The following HSPH1 variants were observed in gnomAD, a reference collection of about 807,000 sequenced individuals.
HSPH1 encodes the protein heat shock protein family H (Hsp110) member 1.
HSPH1 carries 40 observed loss-of-function variants against 100.0 expected under a neutral mutation model. The ratio of observed to expected loss-of-function variants is 0.40; its 90% CI spans 0.31 to 0.52. The LOEUF is 0.52. Ranked by LOEUF, HSPH1 falls within the 20% of genes least tolerant of loss-of-function variation. HSPH1 has a pLI of 0.54. For synonymous variants in HSPH1, 403 were observed against 344.0 expected, an observed-to-expected ratio of 1.17 and a Z score of -1.90; for missense variants, 876 against 1,015.1, an observed-to-expected ratio of 0.86 and a Z score of 1.86.
chr13:31,154,765 AG>A lies in HSPH1; in HGVS notation c.307-11del. The A allele has an allele frequency of 1.9e-6, 3 of 1,609,724 alleles. No homozygotes were observed. The highest frequency in any genetic ancestry group is 1.7e-6 in the Non-Finnish European group (2 of 1,177,138). On this transcript the variant is annotated splice_polypyrimidine_tract_variant and intron_variant, in intron 3 of 17. Transcript: ENST00000320027. The stretch of plus-strand genomic sequence containing the variant: ...CACCCATGTACATTACCTATATTGA[AG>A]GGAAAAAATGTTTTAAACATTGTAG...
rs554772333 is a variant in HSPH1 at position 31,151,146 on chromosome 13, C to T, written c.709G>A (p.Asp237Asn). The change falls in exon 7 of 18, where the codon GAT becomes AAT. Residue 237 changes from aspartate (D) to asparagine (N), a missense_variant. Transcript: ENST00000320027. ...FDPFLGGKNFDEKLVEHFCAE... is the reference protein window; with the variant it reads ...FDPFLGGKNFNEKLVEHFCAE... Reference sequence around the variant, plus strand: ...CAAAAATGTTCCACTAACTTTTCATCGAAGTTTTTTCCTCCTAAGAAAGGA... The same window carrying T: ...CAAAAATGTTCCACTAACTTTTCATTGAAGTTTTTTCCTCCTAAGAAAGGA... The T allele has an allele frequency of 3.1e-6, 5 of 1,613,146 alleles. No individual in the cohort carries two copies. Among genetic ancestry groups the T allele is most frequent in the Middle Eastern group, 3.3e-4 (2 of 6,054 alleles).
chr13:31,155,715 T>G, intron 2 of HSPH1, 61 bp from the exon 3 acceptor site: 2 of 1,404,786 alleles, frequency 1.4e-6, no homozygotes, highest in African/African-American at 2.9e-5. Flanking sequence ...ACCAGTAATT[T>G]TAGTAATTTT....
chr13:31,137,296 G>A lies in HSPH1; in HGVS notation c.*22C>T, dbSNP rs1318739115. 4 of 1,422,440 alleles carry A rather than the reference G, an allele frequency of 2.8e-6. No homozygotes were observed. The highest frequency in any genetic ancestry group is 1.4e-5 in the African/African-American group (1 of 70,258). The allele number at this position is 1,422,440 out of a possible 1,614,324, so 88.1% of individuals were successfully genotyped here. A position where few individuals can be genotyped will look rare whatever the true frequency, so the allele number is the denominator to read the frequency against. On this transcript the variant is annotated 3_prime_UTR_variant, in exon 18 of 18. Transcript: ENST00000320027. ...GGCAAAAATATTTTATTAATTGAAGGAATAGGCCAATTTAAGGTTATCTAG... is the reference window on the plus strand; with the variant it reads ...GGCAAAAATATTTTATTAATTGAAGAAATAGGCCAATTTAAGGTTATCTAG...
intron 1 of HSPH1, among the ~76,000 whole-genome samples, chr13:31,160,954 G>A (rs981344788): frequency 1.3e-5 from 2 of 152,222 alleles, no homozygotes; most frequent in South Asian, 2.1e-4. Flanking sequence ...CACAAGCTCT[G>A]GAAGCTTCCA....
At chr13:31,147,492 A>T (rs1956307059) in intron 10 of HSPH1, among the ~76,000 whole-genome samples, 1 of 152,080 alleles carries the variant, frequency 6.6e-6, no homozygotes, top group South Asian at 2.1e-4. Context: ...CAAAATATGT[A>T]CCAAAAAAAA....
At chr13:31,151,313 C>T (rs1956479747) in intron 6 of HSPH1, 122 bp from the exon 7 acceptor site, 3 of 855,584 alleles carry the variant, frequency 3.5e-6, no homozygotes, top group Non-Finnish European at 5.3e-6. Flanking sequence ...TAAATTATAA[C>T]ATGAAATCCA....
intron 2 of HSPH1, among the ~76,000 whole-genome samples, chr13:31,158,473 C>A (rs777412620): frequency 6.8e-6 from 1 of 147,916 alleles, no homozygotes; most frequent in African/African-American, 2.5e-5. Flanking sequence ...CGCTTTAACC[C>A]GGGAGGCGGA....
chr13:31,146,731 ACCTTTC>A (rs544028434), intron 10 of HSPH1, among the ~76,000 whole-genome samples: 6 of 152,282 alleles, frequency 3.9e-5, no homozygotes, highest in African/African-American at 1.4e-4. Flanking sequence ...TACAAAAGTT[ACCTTTC>A]TATACCTCTG....
At chr13:31,146,934 C>CTA (rs770296256) in intron 10 of HSPH1, among the ~76,000 whole-genome samples, 17 of 152,126 alleles carry the variant, frequency 1.1e-4, no homozygotes, top group Non-Finnish European at 2.4e-4. Context: ...ACACACAGAA[C>CTA]TATAGATTTA....
intron 2 of HSPH1, among the ~76,000 whole-genome samples, chr13:31,157,974 T>A (rs1014308324): frequency 6.6e-6 from 1 of 152,266 alleles, no homozygotes; most frequent in Admixed American, 6.5e-5. Flanking sequence ...ATGTGTATTT[T>A]ATACTTCACA....
intron 7 of HSPH1, 110 bp from the exon 8 acceptor site, chr13:31,150,292 A>G (rs1956439795): frequency 4.2e-6 from 3 of 716,320 alleles, no homozygotes; most frequent in Admixed American, 2.7e-5. Flanking sequence ...TGGATCCCAC[A>G]TGGGCCAAGT....
chr13:31,141,831 T>C (rs922160626), intron 12 of HSPH1, among the ~76,000 whole-genome samples: 21 of 134,980 alleles, frequency 1.6e-4, no homozygotes, highest in South Asian at 8.0e-4. Context: ...CACACACACA[T>C]TATTACTATC....
chr13:31,154,633 T>G lies in HSPH1; in HGVS notation c.429A>C (p.Ser143=), dbSNP rs1478985146. ...LKKPVTDCVI[S]VPSFFTDAER... is the part of the protein sequence containing the mutation. ...CACTGCCTTGCTGAATTATACTTAC[T>G]GAAATAACACAATCTGTTACTGGTT... The change falls in exon 4 of 18, where the codon TCA becomes TCC. Residue 143 remains serine (S), a splice_region_variant and synonymous_variant. Coordinates refer to ENST00000320027, the MANE Select transcript of HSPH1 (RefSeq NM_006644.4). 2 of 1,614,098 alleles carry G rather than the reference T, an allele frequency of 1.2e-6. No individual in the cohort carries two copies. Among genetic ancestry groups the G allele is most frequent in the Non-Finnish European group, 1.7e-6 (2 of 1,179,948 alleles).
In HSPH1 at chr13:31,155,652, T is replaced by A; in HGVS notation, c.168A>T (p.Gln56His). Residue 56 changes from glutamine to histidine, a missense_variant and splice_region_variant, in exon 3 of 18, where the codon CAA becomes CAT. Gln to His is a conservative substitution (Grantham distance 24). Transcript: ENST00000320027. ...RTIGVAAKNQ[Q>H]ITHANNTVSN... ...ACACCGTATTGTTTGCATGAGTGAT[T>A]TGCTGCAAAAAGAAGTTTGAGATTT... The A allele has an allele frequency of 6.3e-7, 1 of 1,583,532 alleles. No homozygotes were observed. Among genetic ancestry groups the A allele is most frequent in the Non-Finnish European group, 8.6e-7 (1 of 1,166,982 alleles).
At chr13:31,149,226 TTAA>T (rs1179247356) in intron 8 of HSPH1, among the ~76,000 whole-genome samples, 3 of 152,140 alleles carry the variant, frequency 2.0e-5, no homozygotes, top group African/African-American at 4.8e-5. Context: ...TGGATTATTA[TTAA>T]TATTTAGTAT....
chr13:31,137,271 G>C lies in HSPH1; in HGVS notation c.*47C>G, dbSNP rs751705507. ...TATGTTATGTAGAGTCACATACTAT[G>C]GCAAAAATATTTTATTAATTGAAGG... On this transcript the variant is annotated 3_prime_UTR_variant, in exon 18 of 18. Coordinates refer to ENST00000320027, the MANE Select transcript of HSPH1 (RefSeq NM_006644.4). 1 of 1,181,648 alleles carries C rather than the reference G, an allele frequency of 8.5e-7. No homozygotes were observed. Among genetic ancestry groups the C allele is most frequent in the Non-Finnish European group, 1.2e-6 (1 of 807,674 alleles). 73.2% of individuals were successfully genotyped at this position (1,181,648 alleles called of 1,614,324 possible). A position where few individuals can be genotyped will look rare whatever the true frequency, so the allele number is the denominator to read the frequency against.
intron 14 of HSPH1, 74 bp downstream of exon 14, chr13:31,140,110 G>C (rs1181048171): frequency 1.5e-6 from 2 of 1,368,860 alleles, no homozygotes; most frequent in Admixed American, 4.3e-5. Context: ...AAAAGCTTAA[G>C]CCTCAACTGT....
At chr13:31,162,000 C>T (rs1956943539), upstream of HSPH1, 1 of 1,536,180 alleles carries the variant, frequency 6.5e-7, no homozygotes, top group Non-Finnish European at 8.7e-7. Flanking sequence ...CCACCGGCCC[C>T]TCCACGTGCC....
chr13:31,149,477 C>T (rs1956399989), intron 8 of HSPH1, among the ~76,000 whole-genome samples: 1 of 152,144 alleles, frequency 6.6e-6, no homozygotes, highest in African/African-American at 2.4e-5. Context: ...AAACTAACTT[C>T]ATGCTTCTGG....
Sources: allele counts gnomAD v4.1 joint callset (sites outside exome capture counted in the v4.1 genomes callset), GRCh38; gene constraint gnomAD v4.1.1; transcripts MANE v1.5; gene names NCBI Gene and HGNC (gene_info 2026-07-23, HGNC 2026-07-21).